The following RIMS2 variants were observed in gnomAD, a reference collection of about 807,000 sequenced individuals.
RIMS2 encodes the protein regulating synaptic membrane exocytosis protein 2.
In RIMS2, 59 loss-of-function variants were observed where a neutral mutation model predicts 174.4. The ratio of observed to expected loss-of-function variants is 0.34; its 90% CI spans 0.27 to 0.42. RIMS2 has a LOEUF of 0.42. Ranked by LOEUF, RIMS2 falls within the 10% of genes least tolerant of loss-of-function variation. The pLI, the probability that RIMS2 is intolerant of heterozygous loss-of-function variation, is 1.00. For missense variants in RIMS2, 1,620 were observed against 1,666.3 expected, an observed-to-expected ratio of 0.97 and a Z score of 0.48; for synonymous variants, 606 against 572.5, an observed-to-expected ratio of 1.06 and a Z score of -0.84.
intron 4 of RIMS2, among the ~76,000 whole-genome samples, chr8:103,906,596 G>C (rs2074466710): frequency 6.6e-6 from 1 of 152,058 alleles, no homozygotes; most frequent in African/African-American, 2.4e-5. Context: ...AGTTTCAAAT[G>C]GTTAAACAGC....
rs550597441 is a variant in RIMS2 at position 103,646,834 on chromosome 8, T to C, written c.177-50252T>C. ...TTTGAATAGCATTTATTTTTTTCTC[T>C]TGCCTGACTGCCCTGGCCAGAACTT... On this transcript the variant is annotated intron_variant, in intron 1 of 23. Transcript: ENST00000504942. 2.6e-5 allele frequency among the ~76,000 whole-genome samples: 4 copies of C among 152,294 alleles called. No individual in the cohort carries two copies. In the South Asian group the frequency reaches 6.2e-4, roughly 24 times the overall value.
chr8:103,972,190 G>C (rs1349854596), intron 15 of RIMS2, among the ~76,000 whole-genome samples: 1 of 152,078 alleles, frequency 6.6e-6, no homozygotes, highest in Non-Finnish European at 1.5e-5. Context: ...AATGTAGTAG[G>C]TATCTCCAGC....
chr8:103,829,881 A>G (rs1043015115), intron 3 of RIMS2, among the ~76,000 whole-genome samples: 6 of 152,188 alleles, frequency 3.9e-5, no homozygotes, highest in African/African-American at 1.4e-4. Context: ...TAATAACACT[A>G]TGATGATGAA....
chr8:104,007,421 A>G (rs1368065660), intron 17 of RIMS2, among the ~76,000 whole-genome samples: 2 of 152,198 alleles, frequency 1.3e-5, no homozygotes, highest in African/African-American at 4.8e-5. Context: ...TTAACTAGAC[A>G]TTAAAAATTG....
At chr8:103,808,486 C>T (rs1356525439) in intron 3 of RIMS2, among the ~76,000 whole-genome samples, 1 of 152,090 alleles carries the variant, frequency 6.6e-6, no homozygotes, top group African/African-American at 2.4e-5. Flanking sequence ...GTTATATCTT[C>T]AGTTGAGAAC....
intron 14 of RIMS2, among the ~76,000 whole-genome samples, chr8:103,944,577 T>G (rs1453101832): frequency 1.3e-5 from 2 of 152,062 alleles, no homozygotes; most frequent in Non-Finnish European, 2.9e-5. Context: ...CCCACACTAC[T>G]TAGGGATAGT....
chr8:103,971,949 A>G (rs1004922000), intron 15 of RIMS2, among the ~76,000 whole-genome samples: 2 of 152,076 alleles, frequency 1.3e-5, no homozygotes, highest in Non-Finnish European at 2.9e-5. Context: ...TTGCTTTTTC[A>G]TCTAGTCACA....
At chr8:103,792,278 C>A (rs1158832797) in intron 3 of RIMS2, among the ~76,000 whole-genome samples, 1 of 152,136 alleles carries the variant, frequency 6.6e-6, no homozygotes. Flanking sequence ...CACTCAAAAC[C>A]TCTCACCTAC....
Position 103,518,945 on chromosome 8 carries a change from G to A in RIMS2, c.176+17883G>A, listed in dbSNP as rs954883677. 2.6e-5 allele frequency among the ~76,000 whole-genome samples: 4 copies of A among 152,190 alleles called. No homozygotes were observed. In the East Asian group the frequency reaches 7.7e-4, roughly 29 times the overall value. ...TGAAATTTAAATAATTAATTTTATG[G>A]CTGAAGAATCTTTTTAGGCTTTCTA... On this transcript the variant is annotated intron_variant, in intron 1 of 23. Coordinates refer to ENST00000504942, the Ensembl canonical transcript of RIMS2.
chr8:103,608,284 G>C (rs1425278409), intron 1 of RIMS2, among the ~76,000 whole-genome samples: 2 of 143,446 alleles, frequency 1.4e-5, no homozygotes, highest in African/African-American at 2.7e-5. Context: ...TGCCCCTGCT[G>C]GGGGGTGCCT....
intron 3 of RIMS2, among the ~76,000 whole-genome samples, chr8:103,871,267 G>T (rs534918000): frequency 3.3e-5 from 5 of 152,020 alleles, no homozygotes; most frequent in Non-Finnish European, 7.4e-5. Flanking sequence ...GGTGGAGAGC[G>T]CCTGTAATCC....
intron 1 of RIMS2, among the ~76,000 whole-genome samples, chr8:103,613,692 C>T (rs904022952): frequency 1.3e-5 from 2 of 152,172 alleles, no homozygotes; most frequent in Non-Finnish European, 2.9e-5. Context: ...AGGCCCATGG[C>T]ATACTACCTG....
chr8:104,246,626 A>C (rs1788092132), intron 20 of RIMS2, among the ~76,000 whole-genome samples: 1 of 152,238 alleles, frequency 6.6e-6, no homozygotes. Context: ...AAGAGAGATG[A>C]TCAAGACGGT....
At chr8:103,903,901 T>C (rs555319346) in intron 4 of RIMS2, among the ~76,000 whole-genome samples, 4 of 152,304 alleles carry the variant, frequency 2.6e-5, no homozygotes, top group Admixed American at 1.3e-4. Flanking sequence ...AGATCCTATA[T>C]ATGCTTCACC....
intron 1 of RIMS2, among the ~76,000 whole-genome samples, chr8:103,575,677 C>CAT (rs1194550934): frequency 8.1e-5 from 7 of 85,954 alleles, no homozygotes; most frequent in African/African-American, 2.1e-4. Flanking sequence ...CACATACACA[C>CAT]ACACACACAT....
chr8:104,096,782 C>T (rs760146021), intron 19 of RIMS2, among the ~76,000 whole-genome samples: 4 of 151,452 alleles, frequency 2.6e-5, no homozygotes, highest in Non-Finnish European at 4.4e-5. Flanking sequence ...GTGGGAGAAT[C>T]GCTTGAACCC....
At chr8:103,635,396 C>T (rs2096052397) in intron 1 of RIMS2, among the ~76,000 whole-genome samples, 1 of 152,060 alleles carries the variant, frequency 6.6e-6, no homozygotes, top group South Asian at 2.1e-4. Flanking sequence ...GTTGGAGGCC[C>T]AGGCCTGGAT....
intron 15 of RIMS2, among the ~76,000 whole-genome samples, chr8:103,971,627 A>G (rs1424594160): frequency 6.7e-6 from 1 of 150,364 alleles, no homozygotes; most frequent in Non-Finnish European, 1.5e-5. Context: ...GCTGGAGTGT[A>G]GTGGTGTGAT....
chr8:103,908,225 T>C (rs889474138), intron 4 of RIMS2, among the ~76,000 whole-genome samples: 3 of 151,976 alleles, frequency 2.0e-5, no homozygotes, highest in African/African-American at 4.8e-5. Context: ...GTATTTTTAG[T>C]AGAGATGGGA....
Sources: allele counts gnomAD v4.1 joint callset (sites outside exome capture counted in the v4.1 genomes callset), GRCh38; gene constraint gnomAD v4.1.1; transcripts MANE v1.5; gene names NCBI Gene and HGNC (gene_info 2026-07-23, HGNC 2026-07-21).